TNR: variants seen among roughly 807,000 people sequenced by gnomAD.
TNR encodes tenascin-R.
TNR carries 45 observed loss-of-function variants against 150.4 expected under a neutral mutation model. That is an observed-to-expected ratio of 0.30 (90% CI 0.24 to 0.38). The LOEUF (loss-of-function observed/expected upper bound fraction) is 0.38, where lower values mean the gene tolerates loss of function less well. TNR is among the 10% of genes least tolerant of loss of function. The probability of loss-of-function intolerance (pLI) is 1.00; values close to 1 mark genes in which losing one functional copy is unlikely to be tolerated. For synonymous variants in TNR, 687 were observed against 678.4 expected (o/e 1.01, Z -0.20); for missense variants, 1,544 against 1,759.1 (o/e 0.88, Z 2.19).
chr1:175,441,518 T>C (rs72723494), intron 2 of TNR, among the ~76,000 whole-genome samples: 1 of 152,298 alleles, frequency 6.6e-6, no homozygotes, highest in Non-Finnish European at 1.5e-5. Context: ...AGCAAATTCA[T>C]CTTAGATTAT....
At chr1:175,362,141 A>G (rs1390656337) in intron 14 of TNR, among the ~76,000 whole-genome samples, 2 of 152,156 alleles carry the variant, frequency 1.3e-5, no homozygotes, top group African/African-American at 4.8e-5. Context: ...ACGGAGCCAC[A>G]TCACCTTCAC....
intron 1 of TNR, among the ~76,000 whole-genome samples, chr1:175,583,282 G>C (rs1229206093): frequency 2.6e-5 from 4 of 152,164 alleles, no homozygotes; most frequent in African/African-American, 7.2e-5. Flanking sequence ...GAGAGCCCAG[G>C]TAGGAGCTGA....
At chr1:175,338,998 G>A (rs767601465) in intron 18 of TNR, among the ~76,000 whole-genome samples, 5 of 152,222 alleles carry the variant, frequency 3.3e-5, no homozygotes, top group Non-Finnish European at 5.9e-5. Flanking sequence ...CTGCAGGCAT[G>A]GTTATACCAG....
intron 9 of TNR, among the ~76,000 whole-genome samples, chr1:175,374,238 G>A (rs900725489): frequency 6.6e-6 from 1 of 152,162 alleles, no homozygotes; most frequent in East Asian, 1.9e-4. Context: ...AGACAAGCAC[G>A]TGGCCTGCCA....
intron 1 of TNR, among the ~76,000 whole-genome samples, chr1:175,536,313 TAAAAAGGG>T: frequency 6.6e-6 from 1 of 152,162 alleles, no homozygotes. Flanking sequence ...ACCAAGCCAT[TAAAAAGGG>T]TCAGAACCCT....
chr1:175,414,602 T>C (rs1463951285), intron 2 of TNR, among the ~76,000 whole-genome samples: 1 of 152,154 alleles, frequency 6.6e-6, no homozygotes, highest in African/African-American at 2.4e-5. Context: ...CTCCGGGTAA[T>C]TTGTAAGAGG....
chr1:175,574,359 A>G (rs1330048225), intron 1 of TNR, among the ~76,000 whole-genome samples: 1 of 152,192 alleles, frequency 6.6e-6, no homozygotes, highest in African/African-American at 2.4e-5. Flanking sequence ...GTATAAGATA[A>G]TCAAAGTACA....
At chr1:175,483,869 T>A (rs1657904899) in intron 2 of TNR, among the ~76,000 whole-genome samples, 1 of 152,188 alleles carries the variant, frequency 6.6e-6, no homozygotes, top group Non-Finnish European at 1.5e-5. Context: ...AGGTGCACTG[T>A]CACCTACCCC....
intron 2 of TNR, among the ~76,000 whole-genome samples, chr1:175,452,663 A>G (rs1656379766): frequency 6.6e-6 from 1 of 152,216 alleles, no homozygotes; most frequent in Non-Finnish European, 1.5e-5. Flanking sequence ...GATGAGGGAA[A>G]AGAGTTTAAA....
chr1:175,648,268 T>C (rs1664862340), intron 1 of TNR, among the ~76,000 whole-genome samples: 1 of 152,126 alleles, frequency 6.6e-6, no homozygotes, highest in Non-Finnish European at 1.5e-5. Flanking sequence ...TTTTTATCTA[T>C]AGTAAGCACT....
chr1:175,574,282 G>T (rs960547932), intron 1 of TNR, among the ~76,000 whole-genome samples: 1 of 152,160 alleles, frequency 6.6e-6, no homozygotes, highest in Non-Finnish European at 1.5e-5. Flanking sequence ...TCCCCACCCT[G>T]GGTGAAATGA....
At position 175,599,636 on chromosome 1, in the gene TNR, G is replaced by A. The variant is rs1248582332; in HGVS notation, c.-164-71267C>T. Among the ~76,000 whole-genome samples, 2 of 152,194 alleles carry A rather than the reference G, an allele frequency of 1.3e-5. No homozygotes were observed. The highest frequency in any genetic ancestry group is 4.8e-5 in the African/African-American group (2 of 41,464). ...CAGCGTCGCCCCAGCAGGCTTATGC[G>A]GACCTGGCTAACTCCAGAGGCCGGC... On this transcript the variant is annotated intron_variant, in intron 1 of 22. Transcript: ENST00000367674. The surrounding 1 kb of genome is among the most constrained non-coding windows in gnomAD (Gnocchi z 4.7).
intron 2 of TNR, among the ~76,000 whole-genome samples, chr1:175,457,304 G>A (rs1259133891): frequency 6.6e-6 from 1 of 152,190 alleles, no homozygotes; most frequent in African/African-American, 2.4e-5. Context: ...AGGATGTGTT[G>A]GGAGGGGCTC....
chr1:175,444,963 T>C (rs1655972051), intron 2 of TNR, among the ~76,000 whole-genome samples: 1 of 152,036 alleles, frequency 6.6e-6, no homozygotes, highest in African/African-American at 2.4e-5. Context: ...ATGGCAGAGT[T>C]AGTAAGGCAG....
At chr1:175,384,302 G>A (rs1343431372) in intron 8 of TNR, among the ~76,000 whole-genome samples, 2 of 152,142 alleles carry the variant, frequency 1.3e-5, no homozygotes, top group Non-Finnish European at 2.9e-5. Context: ...AAGAAGGGAC[G>A]TGAGCATCTT....
intron 1 of TNR, among the ~76,000 whole-genome samples, chr1:175,608,718 G>T (rs972744510): frequency 1.6e-4 from 24 of 152,200 alleles, no homozygotes; most frequent in African/African-American, 5.8e-4. Flanking sequence ...AAGAATAGGA[G>T]ATTAAGAGGA....
intron 21 of TNR, among the ~76,000 whole-genome samples, chr1:175,324,979 A>G (rs1649288637): frequency 6.6e-6 from 1 of 152,232 alleles, no homozygotes; most frequent in African/African-American, 2.4e-5. Flanking sequence ...AAGAAACTGC[A>G]TTCTGAACTT....
intron 6 of TNR, 39 bp downstream of exon 6, chr1:175,393,741 C>G: frequency 1.3e-6 from 2 of 1,512,728 alleles, no homozygotes; most frequent in Non-Finnish European, 1.8e-6. Context: ...ACAAATATTC[C>G]AAATAAGTCT....
At chr1:175,691,176 A>AGCAGAGCAGAACAAGGGGGCTCT (rs1558075107) in intron 1 of TNR, among the ~76,000 whole-genome samples, 6 of 150,832 alleles carry the variant, frequency 4.0e-5, no homozygotes, top group East Asian at 3.9e-4. Flanking sequence ...AACACCCAGC[A>AGCAGAGCAGAACAAGGGGGCTCT]GCAGAGCAGA....
Sources: gnomAD v4.1 joint callset for allele counts (sites outside exome capture counted in the v4.1 genomes callset) on GRCh38, gnomAD v4.1.1 for gene constraint, Gnocchi (gnomAD v3.1) non-coding constraint, MANE v1.5 for transcripts, NCBI Gene and HGNC (gene_info 2026-07-23, HGNC 2026-07-21) for gene names.